Variants in IL1RAPL1 observed in about 807,000 individuals in gnomAD.
IL1RAPL1 encodes interleukin-1 receptor accessory protein-like 1.
A neutral mutation model predicts 48.4 loss-of-function variants in IL1RAPL1; 3 were observed. The observed-to-expected ratio is 0.06, with a 90% confidence interval of 0.03 to 0.16. IL1RAPL1 has a LOEUF of 0.16. IL1RAPL1 is among the 10% of genes least tolerant of loss of function. The pLI, the probability that IL1RAPL1 is intolerant of heterozygous loss-of-function variation, is 1.00. For missense variants in IL1RAPL1, 349 were observed against 530.6 expected (o/e 0.66, Z 3.36); for synonymous variants, 185 against 187.7 (o/e 0.99, Z 0.12).
intron 5 of IL1RAPL1, among the ~76,000 whole-genome samples, chrX:29,565,532 C>T (rs1001224847): frequency 1.8e-5 from 2 of 111,885 alleles, no homozygotes; most frequent in African/African-American, 6.5e-5. Flanking sequence ...AGCCAATAAG[C>T]ACATGTAGTT....
chrX:29,284,005 T>G (rs1932243687), intron 3 of IL1RAPL1, among the ~76,000 whole-genome samples: 1 of 112,963 alleles, frequency 8.9e-6, no homozygotes, highest in South Asian at 3.6e-4. Flanking sequence ...ATTGGACTAT[T>G]AGAACATTAG....
chrX:29,947,299 A>G (rs1415443030), intron 9 of IL1RAPL1, among the ~76,000 whole-genome samples: 2 of 111,429 alleles, frequency 1.8e-5, no homozygotes, highest in African/African-American at 6.5e-5. Context: ...TACTTTATAT[A>G]TTTTTTTCAG....
chrX:28,908,606 G>C (rs1267110725), intron 2 of IL1RAPL1, among the ~76,000 whole-genome samples: 2 of 111,786 alleles, frequency 1.8e-5, no homozygotes, highest in African/African-American at 6.5e-5. Context: ...TTATGGGCCA[G>C]AATGTGGTCT....
In IL1RAPL1 at chrX:29,260,451, T is replaced by G. The variant is rs371455294; in HGVS notation, c.83-22487T>G. Among the ~76,000 whole-genome samples, 36 of 112,123 alleles carry G rather than the reference T, an allele frequency of 3.2e-4. No homozygotes were observed. In the East Asian group the frequency reaches 9.0e-3, roughly 28 times the overall value. The stretch of plus-strand genomic sequence containing the variant: ...TTACATGGCAGCACACAAAACAGCT[T>G]GTGCTGGGAAACGCCCATTTATAAA... On this transcript the variant is annotated intron_variant, in intron 2 of 10. Coordinates refer to ENST00000378993, the MANE Select transcript of IL1RAPL1 (RefSeq NM_014271.4).
chrX:29,534,801 T>G (rs920696516), intron 5 of IL1RAPL1, among the ~76,000 whole-genome samples: 1 of 109,671 alleles, frequency 9.1e-6, no homozygotes, highest in African/African-American at 3.3e-5. Flanking sequence ...ACCCCATCTC[T>G]ACTAAAAATA....
rs1275457072 is a variant in IL1RAPL1 at position 29,562,105 on chromosome X, C to G, written c.704-106325C>G. The stretch of plus-strand genomic sequence containing the variant: ...CTAATCTATCTGTCTATCTATCTAT[C>G]TATCTATCTAATCTATCTATCTATC... On this transcript the variant is annotated intron_variant, in intron 5 of 10. Coordinates refer to ENST00000378993, the MANE Select transcript of IL1RAPL1 (RefSeq NM_014271.4). Among the ~76,000 whole-genome samples, 7 of 87,309 alleles carry G rather than the reference C, an allele frequency of 8.0e-5. No homozygotes were observed. In the East Asian group the frequency reaches 1.6e-3, roughly 20 times the overall value. The allele number at this position is 87,309 out of a possible 115,157, so 75.8% of individuals were successfully genotyped here. A position where few individuals can be genotyped will look rare whatever the true frequency, so the allele number is the denominator to read the frequency against.
chrX:29,544,444 G>A (rs1360600374), intron 5 of IL1RAPL1, among the ~76,000 whole-genome samples: 1 of 111,532 alleles, frequency 9.0e-6, no homozygotes, highest in Non-Finnish European at 1.9e-5. Flanking sequence ...GTATCTGTGT[G>A]CATATAAATG....
intron 2 of IL1RAPL1, among the ~76,000 whole-genome samples, chrX:29,038,921 A>G (rs1379117736): frequency 9.0e-6 from 1 of 111,599 alleles, no homozygotes. Context: ...AAAGGAGAGC[A>G]AAAGCATAAC....
intron 3 of IL1RAPL1, among the ~76,000 whole-genome samples, chrX:29,343,652 G>T (rs1161768410): frequency 2.7e-5 from 3 of 111,716 alleles, no homozygotes; most frequent in African/African-American, 9.8e-5. Flanking sequence ...AAAACAATAT[G>T]ATCAATTTCA....
chrX:29,668,385 A>G, intron 5 of IL1RAPL1, 45 bp from the exon 6 acceptor site: 1 of 1,056,450 alleles, frequency 9.5e-7, no homozygotes, highest in Non-Finnish European at 1.3e-6. Context: ...AGTTTTATGC[A>G]GCATAACTAT....
intron 1 of IL1RAPL1, among the ~76,000 whole-genome samples, chrX:28,608,162 C>T (rs1292061363): frequency 2.7e-5 from 3 of 111,512 alleles, no homozygotes; most frequent in African/African-American, 6.5e-5. Context: ...AGATGTAAAA[C>T]GTTTAGGTTG....
intron 2 of IL1RAPL1, among the ~76,000 whole-genome samples, chrX:29,100,812 C>T (rs1257539402): frequency 8.9e-6 from 1 of 111,743 alleles, no homozygotes. Context: ...GTTTTGTTGT[C>T]AGGTTTAAGT....
At chrX:29,805,397 GCA>G (rs746555380) in intron 6 of IL1RAPL1, among the ~76,000 whole-genome samples, 219 of 106,444 alleles carry the variant, frequency 2.1e-3, no homozygotes, top group African/African-American at 6.6e-3. Flanking sequence ...AGTTACACAC[GCA>G]CACACACACA....
intron 2 of IL1RAPL1, among the ~76,000 whole-genome samples, chrX:29,231,898 G>A (rs1249258551): frequency 8.9e-6 from 1 of 112,034 alleles, no homozygotes; most frequent in Non-Finnish European, 1.9e-5. Flanking sequence ...TTGGTTCAAT[G>A]GTGTTGCTAT....
chrX:29,847,740 T>C (rs1931277214), intron 6 of IL1RAPL1, among the ~76,000 whole-genome samples: 1 of 111,941 alleles, frequency 8.9e-6, no homozygotes, highest in Non-Finnish European at 1.9e-5. Flanking sequence ...TAATTTTCTT[T>C]CTTAATGTGC....
At chrX:28,813,873 G>A (rs748832483) in intron 2 of IL1RAPL1, among the ~76,000 whole-genome samples, 8 of 110,550 alleles carry the variant, frequency 7.2e-5, no homozygotes, top group African/African-American at 2.0e-4. Context: ...CTTGCCTTTC[G>A]AGCACTGCAC....
intron 5 of IL1RAPL1, among the ~76,000 whole-genome samples, chrX:29,410,068 C>T (rs745535651): frequency 4.5e-5 from 5 of 110,707 alleles, no homozygotes; most frequent in East Asian, 5.8e-4. Flanking sequence ...GTGATCCACC[C>T]GCCTCGGCCT....
intron 8 of IL1RAPL1, among the ~76,000 whole-genome samples, chrX:29,926,366 CTCTTTAG>C (rs1246966454): frequency 2.7e-5 from 3 of 111,903 alleles, no homozygotes; most frequent in Non-Finnish European, 5.6e-5. Context: ...GAATAATAAA[CTCTTTAG>C]TCTTTAATCA....
chrX:29,131,613 T>G (rs181977413), intron 2 of IL1RAPL1, among the ~76,000 whole-genome samples: 76 of 111,281 alleles, frequency 6.8e-4, no homozygotes, highest in South Asian at 1.5e-3. Flanking sequence ...GGCATTGCCT[T>G]AAGGATATGT....
Sources: gnomAD v4.1 joint callset for allele counts (sites outside exome capture counted in the v4.1 genomes callset) on GRCh38, gnomAD v4.1.1 for gene constraint, MANE v1.5 for transcripts, NCBI Gene and HGNC (gene_info 2026-07-23, HGNC 2026-07-21) for gene names.